Variants in HELZ observed in about 807,000 individuals in gnomAD.
HELZ encodes the protein helicase with zinc finger.
In HELZ, 23 loss-of-function variants were observed where a neutral mutation model predicts 218.2. The ratio of observed to expected loss-of-function variants is 0.11; its 90% confidence interval spans 0.08 to 0.15. The LOEUF is 0.15. Among genes scored for constraint, HELZ ranks in the 10% least tolerant of loss-of-function variants. The pLI is 1.00. For missense variants in HELZ, 1,813 were observed against 2,353.7 expected (o/e 0.77, Z 4.75); for synonymous variants, 814 against 829.4 (o/e 0.98, Z 0.32).
intron 27 of HELZ, among the ~76,000 whole-genome samples, chr17:67,119,128 A>G (rs972486379): frequency 1.3e-5 from 2 of 152,186 alleles, no homozygotes; most frequent in Non-Finnish European, 2.9e-5. Flanking sequence ...TTAAATATAT[A>G]TTTATAATAT....
chr17:67,230,583 G>A (rs2041011045), intron 3 of HELZ, among the ~76,000 whole-genome samples: 1 of 100,850 alleles, frequency 9.9e-6, no homozygotes, highest in Non-Finnish European at 1.8e-5. Context: ...GTGGCAGAGT[G>A]AGACTCCATC....
intron 31 of HELZ, among the ~76,000 whole-genome samples, chr17:67,089,662 T>G (rs1230199010): frequency 6.8e-5 from 3 of 44,068 alleles, no homozygotes; most frequent in South Asian, 1.3e-3. Context: ...TATATATATA[T>G]ATATATAGAG....
At chr17:67,221,610 G>A (rs893637232) in intron 3 of HELZ, among the ~76,000 whole-genome samples, 1 of 152,136 alleles carries the variant, frequency 6.6e-6, no homozygotes, top group African/African-American at 2.4e-5. Context: ...CATAGCCTGG[G>A]GCAAGTGGCT....
At chr17:67,202,469 C>T (rs1032727434) in intron 6 of HELZ, among the ~76,000 whole-genome samples, 3 of 152,140 alleles carry the variant, frequency 2.0e-5, no homozygotes, top group African/African-American at 7.2e-5. Flanking sequence ...AGCCACTGCA[C>T]TCCAGCCTCA....
Position 67,075,548 on chromosome 17 carries a change from A to C in HELZ, c.*2704T>G, listed in dbSNP as rs1198477363. 6.6e-6 allele frequency: 1 copy of C among 152,228 alleles called. No individual in the cohort carries two copies. Among genetic ancestry groups the C allele is most frequent in the Non-Finnish European group, 1.5e-5 (1 of 68,030 alleles). The allele number at this position is 152,228 out of a possible 1,614,324, so 9.4% of individuals were successfully genotyped here. ...ACTACTACTCAAGTAATACCCAAAG[A>C]ACATCAGCTGTACTCAGAAGACACG... is the stretch of plus-strand genomic sequence containing the variant. On this transcript the variant is annotated 3_prime_UTR_variant, in exon 33 of 33. Transcript: ENST00000358691.
chr17:67,124,172 A>C (rs1044405395), intron 24 of HELZ, among the ~76,000 whole-genome samples, 158 bp from the exon 25 acceptor site: 1 of 152,146 alleles, frequency 6.6e-6, no homozygotes, highest in Non-Finnish European at 1.5e-5. Flanking sequence ...GCTTTGAGCC[A>C]ATTTTCTTTT....
intron 12 of HELZ, among the ~76,000 whole-genome samples, chr17:67,184,000 G>A (rs1392094187): frequency 6.7e-6 from 1 of 149,342 alleles, no homozygotes; most frequent in Non-Finnish European, 1.5e-5. Flanking sequence ...TACAGTGACA[G>A]TAATATTTAA....
chr17:67,096,216 G>T (rs1177898665), intron 31 of HELZ, among the ~76,000 whole-genome samples: 1 of 143,564 alleles, frequency 7.0e-6, no homozygotes. Flanking sequence ...GCTGTAAATG[G>T]ATATGCTGTC....
chr17:67,114,188 C>T (rs539840256), intron 28 of HELZ, 136 bp downstream of exon 28: 7 of 614,958 alleles, frequency 1.1e-5, no homozygotes, highest in African/African-American at 3.7e-5. Flanking sequence ...GGCAATATGG[C>T]TCACTATATC....
At chr17:67,094,960 T>C (rs1288237557) in intron 31 of HELZ, among the ~76,000 whole-genome samples, 2 of 152,188 alleles carry the variant, frequency 1.3e-5, no homozygotes, top group Non-Finnish European at 2.9e-5. Context: ...TGTGGCAATT[T>C]CTTAAAATAA....
chr17:67,098,423 T>G (rs1214004922), intron 31 of HELZ, among the ~76,000 whole-genome samples: 1 of 152,098 alleles, frequency 6.6e-6, no homozygotes, highest in Non-Finnish European at 1.5e-5. Flanking sequence ...AAGAATATAT[T>G]TTAACTTTTA....
chr17:67,157,955 AT>A (rs2038891162), intron 17 of HELZ, among the ~76,000 whole-genome samples: 1 of 152,138 alleles, frequency 6.6e-6, no homozygotes, highest in South Asian at 2.1e-4. Flanking sequence ...ACACAAAAAT[AT>A]TTTCCCCTCT....
chr17:67,106,509 G>A (rs376130858), intron 31 of HELZ, among the ~76,000 whole-genome samples: 4 of 152,044 alleles, frequency 2.6e-5, no homozygotes, highest in Admixed American at 6.5e-5. Context: ...GGGTTTCACC[G>A]TGTTAGCCAG....
Position 67,109,193 on chromosome 17 carries a change from G to A in HELZ, c.4412C>T (p.Pro1471Leu). 1.2e-6 allele frequency: 2 copies of A among 1,614,110 alleles called. No homozygotes were observed. The highest frequency in any genetic ancestry group is 1.7e-6 in the Non-Finnish European group (2 of 1,180,026). Residue 1471 changes from proline (P) to leucine (L), a missense_variant, in exon 29 of 33, where the codon CCC (proline) becomes CTC (leucine). Coordinates refer to ENST00000358691, the MANE Select transcript of HELZ (RefSeq NM_014877.4). ...CAGATGTGAAGGAAGAATGGGGCCG[G>A]GTTGTGCAATGGCTCTCAGAGGACT... The part of the protein sequence containing the change: ...GHSPLRAIAQ[P>L]GPILPSHLNS...
rs1348642912 is a variant in HELZ at position 67,107,322 on chromosome 17, T to C, written c.5088A>G (p.Pro1696=). The change falls in exon 31 of 33, where the codon CCA becomes CCG. Residue 1696 remains proline (P), a synonymous_variant. Transcript: ENST00000358691. ...ANLQQNHLMG[P]GFPYGLPPLP... is the part of the protein sequence containing the mutation. ...ATGGAGGTAGGCCATAGGGAAAACC[T>C]GGCCCCATTAGGTGATTCTGTTGCA... The C allele has an allele frequency of 1.2e-6, 2 of 1,614,194 alleles. No individual in the cohort carries two copies.
At chr17:67,184,982 A>C (rs1041932610) in intron 12 of HELZ, among the ~76,000 whole-genome samples, 5 of 152,172 alleles carry the variant, frequency 3.3e-5, no homozygotes, top group African/African-American at 1.2e-4. Flanking sequence ...GACCTAATTG[A>C]ATTCCCAATT....
At chr17:67,089,668 T>TAGAGAGAG (rs1555595394) in intron 31 of HELZ, among the ~76,000 whole-genome samples, 34 of 70,626 alleles carry the variant, frequency 4.8e-4, no homozygotes, top group African/African-American at 1.7e-3. Flanking sequence ...TATATATATA[T>TAGAGAGAG]AGAGAGAGAG....
At chr17:67,155,515 A>C (rs1297971928) in intron 17 of HELZ, among the ~76,000 whole-genome samples, 2 of 152,246 alleles carry the variant, frequency 1.3e-5, no homozygotes, top group Non-Finnish European at 1.5e-5. Flanking sequence ...ATGAAAGGAA[A>C]TATGCATATT....
intron 3 of HELZ, among the ~76,000 whole-genome samples, chr17:67,237,522 G>A (rs2041215564): frequency 6.6e-6 from 1 of 152,034 alleles, no homozygotes; most frequent in Admixed American, 6.6e-5. Flanking sequence ...AGAACCAGGG[G>A]CCAGGAGACC....
Sources: allele counts gnomAD v4.1 joint callset (sites outside exome capture counted in the v4.1 genomes callset), GRCh38; gene constraint gnomAD v4.1.1; transcripts MANE v1.5; gene names NCBI Gene and HGNC (gene_info 2026-07-23, HGNC 2026-07-21).